The following TANGO6 variants were observed in gnomAD, a reference collection of about 807,000 sequenced individuals.
TANGO6 encodes the protein transport and golgi organization 6 homolog.
A neutral mutation model predicts 114.2 loss-of-function variants in TANGO6; 90 were observed. The observed-to-expected ratio is 0.79, with a 90% CI of 0.66 to 0.94. The LOEUF (loss-of-function observed/expected upper bound fraction) is 0.94. Among genes scored for constraint, TANGO6 ranks in the 40% least tolerant of loss-of-function variants. TANGO6 has a pLI of 0.00. For synonymous variants in TANGO6, 477 were observed against 509.8 expected, an observed-to-expected ratio of 0.94 and a Z score of 0.87; for missense variants, 1,274 against 1,315.3, an observed-to-expected ratio of 0.97 and a Z score of 0.49.
chr16:69,046,402 G>A (rs964081758), intron 17 of TANGO6, among the ~76,000 whole-genome samples: 7 of 151,010 alleles, frequency 4.6e-5, no homozygotes, highest in Non-Finnish European at 7.4e-5. Flanking sequence ...TCACTGCAAC[G>A]TCTGCCTACC....
At chr16:68,895,091 C>T (rs556661810) in intron 7 of TANGO6, among the ~76,000 whole-genome samples, 1 of 152,284 alleles carries the variant, frequency 6.6e-6, no homozygotes, top group East Asian at 1.9e-4. Context: ...TGCAGGACTC[C>T]TCTTATGAAG....
At chr16:68,935,795 A>G (rs527453486) in intron 14 of TANGO6, among the ~76,000 whole-genome samples, 1 of 152,236 alleles carries the variant, frequency 6.6e-6, no homozygotes, top group African/African-American at 2.4e-5. Context: ...TACAAGTAAT[A>G]TATTCTCAAT....
At chr16:68,953,225 A>G (rs906735573) in intron 14 of TANGO6, among the ~76,000 whole-genome samples, 1 of 152,022 alleles carries the variant, frequency 6.6e-6, no homozygotes. Context: ...CTGGGATTAC[A>G]GGCACGCACC....
chr16:68,873,214 C>G (rs777010137), intron 4 of TANGO6, among the ~76,000 whole-genome samples: 1 of 152,062 alleles, frequency 6.6e-6, no homozygotes, highest in Non-Finnish European at 1.5e-5. Context: ...CTCCTGGTCT[C>G]TTTGGATTTA....
intron 16 of TANGO6, among the ~76,000 whole-genome samples, chr16:69,028,957 CTA>C (rs1959550137): frequency 1.3e-5 from 2 of 151,936 alleles, no homozygotes; most frequent in Non-Finnish European, 1.5e-5. Flanking sequence ...TTGATGGGAT[CTA>C]TATGTTTTCT....
At chr16:68,847,981 CAG>C (rs1961840902) in intron 1 of TANGO6, among the ~76,000 whole-genome samples, 2 of 131,736 alleles carry the variant, frequency 1.5e-5, no homozygotes. Flanking sequence ...GCCTGGGTGA[CAG>C]AGTGAGACTC....
chr16:69,074,846 A>G (rs1960350095), intron 17 of TANGO6, among the ~76,000 whole-genome samples: 1 of 141,312 alleles, frequency 7.1e-6, no homozygotes, highest in Non-Finnish European at 1.5e-5. Context: ...GTGTATAATT[A>G]TTATTATTAT....
chr16:68,876,766 A>T (rs992743021), intron 5 of TANGO6, among the ~76,000 whole-genome samples: 5 of 152,162 alleles, frequency 3.3e-5, no homozygotes, highest in African/African-American at 1.2e-4. Context: ...CGTTGCAGTG[A>T]GCTGAGTTTG....
At chr16:68,937,592 C>T (rs974298914) in intron 14 of TANGO6, 3 of 152,214 alleles carry the variant, frequency 2.0e-5, no homozygotes, top group African/African-American at 7.2e-5. Context: ...TTTTTAATCT[C>T]TATGGATTTG....
At chr16:69,031,594 G>A (rs1959594446) in intron 16 of TANGO6, among the ~76,000 whole-genome samples, 1 of 151,872 alleles carries the variant, frequency 6.6e-6, no homozygotes, top group East Asian at 2.0e-4. Context: ...GATAAATTTA[G>A]TAAGATAAGG....
intron 14 of TANGO6, among the ~76,000 whole-genome samples, chr16:68,951,881 A>G (rs1597034166): frequency 6.6e-6 from 1 of 152,060 alleles, no homozygotes; most frequent in Non-Finnish European, 1.5e-5. Context: ...CAAAGTGCTG[A>G]GATTACAGGC....
intron 12 of TANGO6, among the ~76,000 whole-genome samples, chr16:68,927,359 A>G (rs115930043): frequency 2.2e-4 from 34 of 152,328 alleles, no homozygotes; most frequent in African/African-American, 7.5e-4. Context: ...ATCTTAGAAA[A>G]GAACCTGTAT....
intron 14 of TANGO6, among the ~76,000 whole-genome samples, chr16:68,942,828 G>A (rs776069255): frequency 6.6e-6 from 1 of 152,026 alleles, no homozygotes; most frequent in Non-Finnish European, 1.5e-5. Flanking sequence ...TAAATCACAA[G>A]TAGCAAGATA....
At chr16:68,899,353 A>G (rs559571152) in intron 7 of TANGO6, among the ~76,000 whole-genome samples, 16 of 152,112 alleles carry the variant, frequency 1.1e-4, no homozygotes, top group Admixed American at 2.0e-4. Context: ...ACTGATTTCT[A>G]TATTCACTAC....
intron 14 of TANGO6, among the ~76,000 whole-genome samples, chr16:68,968,200 G>A (rs1650486278): frequency 6.6e-6 from 1 of 150,888 alleles, no homozygotes. Context: ...CGAATAGCTG[G>A]GACTACAGGC....
At chr16:68,987,592 C>T (rs1017708056) in intron 15 of TANGO6, among the ~76,000 whole-genome samples, 5 of 152,144 alleles carry the variant, frequency 3.3e-5, no homozygotes, top group Non-Finnish European at 7.3e-5. Flanking sequence ...TGGTCTCGAA[C>T]TCCTGGGCTC....
At chr16:69,018,652 G>A (rs1959348041) in intron 15 of TANGO6, among the ~76,000 whole-genome samples, 1 of 151,486 alleles carries the variant, frequency 6.6e-6, no homozygotes, top group Admixed American at 6.6e-5. Context: ...TGCCGGGCGC[G>A]GTGGCTCACG....
chr16:68,919,910 G>A (rs1421680967), intron 12 of TANGO6, among the ~76,000 whole-genome samples: 1 of 152,056 alleles, frequency 6.6e-6, no homozygotes, highest in African/African-American at 2.4e-5. Flanking sequence ...AGCTGGGCGT[G>A]GTGGCGGGTG....
intron 12 of TANGO6, among the ~76,000 whole-genome samples, chr16:68,919,751 C>T (rs1326364848): frequency 6.6e-6 from 1 of 152,090 alleles, no homozygotes; most frequent in Admixed American, 6.6e-5. Flanking sequence ...TTAAACACTA[C>T]ATATTGGCCG....
Sources: gnomAD v4.1 joint callset for allele counts (sites outside exome capture counted in the v4.1 genomes callset) on GRCh38, gnomAD v4.1.1 for gene constraint, MANE v1.5 for transcripts, NCBI Gene and HGNC (gene_info 2026-07-23, HGNC 2026-07-21) for gene names.